Variants in MRI1 observed in about 807,000 individuals in gnomAD.
MRI1 encodes methylthioribose-1-phosphate isomerase.
MRI1 carries 32 observed loss-of-function variants against 27.3 expected under a neutral mutation model. That is an observed-to-expected ratio of 1.17 (90% confidence interval 0.88 to 1.57). The LOEUF (loss-of-function observed/expected upper bound fraction) is 1.57, where lower values mean the gene tolerates loss of function less well. Ranked by LOEUF, MRI1 falls within the 40% of genes most tolerant of loss-of-function variation. The pLI, the probability that MRI1 is intolerant of heterozygous loss-of-function variation, is 0.00. For missense variants in MRI1, 508 were observed against 516.1 expected, an observed-to-expected ratio of 0.98 and a Z score of 0.15; for synonymous variants, 216 against 227.4, an observed-to-expected ratio of 0.95 and a Z score of 0.45.
In MRI1 at chr19:13,773,012, T is replaced by C. The variant is rs964476806; in HGVS notation, c.*731T>C. 1.5e-5 allele frequency: 2 copies of C among 129,786 alleles called. No homozygotes were observed. The highest frequency in any genetic ancestry group is 3.4e-5 in the African/African-American group (1 of 29,002). 8.0% of individuals were successfully genotyped at this position (129,786 alleles called of 1,614,324 possible). On this transcript the variant is annotated 3_prime_UTR_variant, in exon 6 of 6. Coordinates refer to ENST00000040663, the MANE Select transcript of MRI1 (RefSeq NM_001031727.4). ...AATATTTTAAAGCAATATTTTGTTT[T>C]GGGTTTTTTTTTTTTGAGATCAAGT...
intron 5 of MRI1, among the ~76,000 whole-genome samples, chr19:13,771,597 C>A (rs1345821601): frequency 6.6e-6 from 1 of 152,000 alleles, no homozygotes; most frequent in East Asian, 1.9e-4. Context: ...TGCGGTGGCT[C>A]ACGCCTGTAA....
chr19:13,766,535 G>A (rs1225543743), intron 3 of MRI1, among the ~76,000 whole-genome samples: 1 of 152,174 alleles, frequency 6.6e-6, no homozygotes, highest in Non-Finnish European at 1.5e-5. Flanking sequence ...GCAGGACGTG[G>A]ACTCCAGGAG....
intron 3 of MRI1, 96 bp from the exon 4 acceptor site, chr19:13,768,465 C>T: frequency 1.3e-6 from 2 of 1,577,312 alleles, no homozygotes; most frequent in African/African-American, 2.7e-5. Flanking sequence ...TTTGGCAATC[C>T]ACGCCCAGAC....
intron 5 of MRI1, among the ~76,000 whole-genome samples, chr19:13,769,704 AAG>A: frequency 6.6e-6 from 1 of 151,420 alleles, no homozygotes; most frequent in Non-Finnish European, 1.5e-5. Flanking sequence ...GGCAGATCAC[AAG>A]GTCAGGAGTT....
chr19:13,767,037 ATTTTTTT>A (rs1161584156), intron 3 of MRI1, among the ~76,000 whole-genome samples: 109 of 21,000 alleles, frequency 5.2e-3, no homozygotes, highest in African/African-American at 0.016. Flanking sequence ...ATATATATAT[ATTTTTTT>A]TTTTTTTTTT....
At chr19:13,766,155 G>A (rs763714334) in intron 3 of MRI1, 26 bp downstream of exon 3, 10 of 1,497,778 alleles carry the variant, frequency 6.7e-6, no homozygotes, top group African/African-American at 1.4e-5. Context: ...CAGGGGGTAG[G>A]GGAGGGCCTT....
chr19:13,766,330 C>T (rs1422258110), intron 3 of MRI1, among the ~76,000 whole-genome samples: 3 of 152,206 alleles, frequency 2.0e-5, no homozygotes, highest in Admixed American at 2.0e-4. Context: ...CTATCTATCT[C>T]TGTGCTTCAG....
chr19:13,772,333 G>T lies in MRI1; in HGVS notation c.*52G>T. ...CTCTAGGTTTTTCAATACATTTCTT[G>T]AATGGCTACCCAAAAGCTGACCGTC... On this transcript the variant is annotated 3_prime_UTR_variant, in exon 6 of 6. Transcript: ENST00000040663. The T allele has an allele frequency of 1.3e-6, 2 of 1,557,806 alleles. No individual in the cohort carries two copies. The highest frequency in any genetic ancestry group is 2.3e-5 in the East Asian group (1 of 43,480).
chr19:13,771,690 C>T (rs1000662604), intron 5 of MRI1, among the ~76,000 whole-genome samples: 4 of 151,936 alleles, frequency 2.6e-5, no homozygotes, highest in Non-Finnish European at 5.9e-5. Flanking sequence ...GGAAAAACCT[C>T]GTCTCTACTA....
rs966265685 is a variant in MRI1, at chr19:13,773,314, C to A, written c.*1033C>A. 2 of 151,928 alleles carry A rather than the reference C, an allele frequency of 1.3e-5. No homozygotes were observed. The highest frequency in any genetic ancestry group is 6.6e-5 in the Admixed American group (1 of 15,248). The allele number at this position is 151,928 out of a possible 1,614,324, so 9.4% of individuals were successfully genotyped here. ...TGAGCCACTGTGCCTGACCTTACAGCAGTATTTTTTAAAAATCAAAATTAA... is the reference window on the plus strand; with the variant it reads ...TGAGCCACTGTGCCTGACCTTACAGAAGTATTTTTTAAAAATCAAAATTAA... On this transcript the variant is annotated 3_prime_UTR_variant, in exon 6 of 6. Transcript: ENST00000040663.
Position 13,768,847 on chromosome 19 carries a change from G to A in MRI1, c.748G>A (p.Val250Met), listed in dbSNP as rs1047780284. The A allele has an allele frequency of 1.1e-5, 18 of 1,610,174 alleles. No individual in the cohort carries two copies. The highest frequency in any genetic ancestry group is 1.7e-5 in the Admixed American group (1 of 59,920). ...AGCTGTGGTCGTGGGAGCTGACCGC[G>A]TGGTTGCCAACGGCGACACAGCCAA... is the stretch of plus-strand genomic sequence containing the variant. ...VSAVVVGADRVVANGDTANKV... is the reference protein window; with the variant it reads ...VSAVVVGADRMVANGDTANKV... The change falls in exon 5 of 6, where the codon GTG (valine) becomes ATG (methionine). Residue 250 changes from valine to methionine, a missense_variant. This residue lies in a region of MRI1 where 457 missense variants were observed against 452.8 expected (regional missense o/e 1.01). Coordinates refer to ENST00000040663, the MANE Select transcript of MRI1 (RefSeq NM_001031727.4).
rs554890340 is a variant in MRI1 at position 13,773,357 on chromosome 19, A to T, written c.*1076A>T. The T allele has an allele frequency of 2.9e-4, 44 of 151,216 alleles. No individual in the cohort carries two copies. Among genetic ancestry groups the T allele is most frequent in the Non-Finnish European group, 6.1e-4 (41 of 67,614 alleles). 9.4% of individuals were successfully genotyped at this position (151,216 alleles called of 1,614,324 possible). A position where few individuals can be genotyped will look rare whatever the true frequency, so the allele number is the denominator to read the frequency against. On this transcript the variant is annotated 3_prime_UTR_variant, in exon 6 of 6. Transcript: ENST00000040663. Reference sequence around the variant, plus strand: ...AAAATTAATGCAAAAATCCATGATGAGGCCAGGCTTGGTGGCTCATGCCTG... The same window carrying T: ...AAAATTAATGCAAAAATCCATGATGTGGCCAGGCTTGGTGGCTCATGCCTG...
At position 13,764,990 on chromosome 19, in the gene MRI1, C is replaced by T; in HGVS notation, c.252C>T (p.Ser84=). Residue 84 remains serine, a synonymous_variant, in exon 2 of 6, where the codon AGC becomes AGT. Coordinates refer to ENST00000040663, the MANE Select transcript of MRI1 (RefSeq NM_001031727.4). The part of the protein sequence containing the change: ...ALVAFVRDKL[S]FLVTARPTAV... ...TGGCCTTCGTGCGCGACAAGCTGAG[C>T]TTCCTCGTCACCGCCCGGCCCACCG... 1.3e-6 allele frequency: 2 copies of T among 1,521,518 alleles called. No individual in the cohort carries two copies. The highest frequency in any genetic ancestry group is 1.8e-6 in the Non-Finnish European group (2 of 1,140,454). The allele number at this position is 1,521,518 out of a possible 1,614,324, so 94.3% of individuals were successfully genotyped here.
intron 3 of MRI1, chr19:13,768,293 G>A (rs1402150074): frequency 1.2e-6 from 1 of 806,696 alleles, no homozygotes; most frequent in Non-Finnish European, 2.1e-6. Context: ...AACTGAAAGT[G>A]TGGGGATTGC....
rs773593157 is a variant in MRI1 at position 13,764,545 on chromosome 19, A to G, written c.-44A>G. 7 of 1,592,614 alleles carry G rather than the reference A, an allele frequency of 4.4e-6. No homozygotes were observed. Among genetic ancestry groups the G allele is most frequent in the Admixed American group, 1.7e-5 (1 of 59,376 alleles). ...CCGCCCCGCTCCCAAGTGCGCGCGG[A>G]CCCCTAGCTCCCTCTGAGTTGCGCT... is the stretch of plus-strand genomic sequence containing the variant. On this transcript the variant is annotated 5_prime_UTR_variant, in exon 1 of 6. Transcript: ENST00000040663.
chr19:13,765,208 G>A, intron 2 of MRI1, 99 bp downstream of exon 2: 1 of 1,029,362 alleles, frequency 9.7e-7, no homozygotes, highest in East Asian at 3.2e-5. Context: ...CTGAGGCACG[G>A]CGACCTTAAG....
intron 5 of MRI1, among the ~76,000 whole-genome samples, chr19:13,771,616 C>G (rs1049031311): frequency 2.0e-5 from 3 of 152,110 alleles, no homozygotes; most frequent in Admixed American, 1.3e-4. Flanking sequence ...AATCCCAGCA[C>G]TTTGGGAGGC....
At chr19:13,767,267 G>C (rs1019334988) in intron 3 of MRI1, among the ~76,000 whole-genome samples, 1 of 151,566 alleles carries the variant, frequency 6.6e-6, no homozygotes, top group Non-Finnish European at 1.5e-5. Context: ...GGCTGGTCTC[G>C]AACTTCTGAC....
chr19:13,766,052 C>T lies in MRI1; in HGVS notation c.470C>T (p.Pro157Leu). 6.2e-7 allele frequency: 1 copy of T among 1,613,090 alleles called. No individual in the cohort carries two copies. Among genetic ancestry groups the T allele is most frequent in the Non-Finnish European group, 8.5e-7 (1 of 1,179,844 alleles). The change falls in exon 3 of 6, where the codon CCC (proline) becomes CTC (leucine). Residue 157 changes from proline (P) to leucine (L), a missense_variant. Transcript: ENST00000040663. Reference protein sequence around the residue: ...GARHLLERVAPSGGKVTVLTH... With the variant: ...GARHLLERVALSGGKVTVLTH... ...CGCCACCTCCTGGAGCGGGTGGCCC[C>T]CAGCGGTGGCAAGGTGACTGTGCTG...
Sources: gnomAD v4.1 joint callset for allele counts (sites outside exome capture counted in the v4.1 genomes callset) on GRCh38, gnomAD v4.1.1 for gene constraint, gnomAD v4.1.1 regional missense constraint, MANE v1.5 for transcripts, NCBI Gene and HGNC (gene_info 2026-07-23, HGNC 2026-07-21) for gene names.